LUC7L3: variants seen among roughly 807,000 people sequenced by gnomAD.
LUC7L3 encodes the protein luc7-like protein 3.
Under a neutral mutation model 66.8 loss-of-function variants are expected in LUC7L3, and 6 were observed. That is an observed-to-expected ratio of 0.09 (90% CI 0.05 to 0.18). The LOEUF is 0.18. LUC7L3 is among the 10% of genes least tolerant of loss of function. LUC7L3 has a pLI of 1.00. For missense variants in LUC7L3, 341 were observed against 531.1 expected (o/e 0.64, Z 3.52); for synonymous variants, 160 against 174.7 (o/e 0.92, Z 0.66).
At chr17:50,743,221 C>G (rs535977655) in intron 5 of LUC7L3, among the ~76,000 whole-genome samples, 1 of 150,226 alleles carries the variant, frequency 6.7e-6, no homozygotes, top group Non-Finnish European at 1.5e-5. Context: ...AAAAAAAAAA[C>G]AGAGTCTCAC....
At chr17:50,734,596 C>T (rs971960682) in intron 1 of LUC7L3, among the ~76,000 whole-genome samples, 2 of 152,206 alleles carry the variant, frequency 1.3e-5, no homozygotes, top group Non-Finnish European at 2.9e-5. Context: ...AACTAATCTT[C>T]CTGCCTTAGC....
rs1022790259 is a variant in LUC7L3, at chr17:50,753,388, G to A, written c.*2727G>A. The A allele has an allele frequency of 6.6e-6, 1 of 152,552 alleles. No individual in the cohort carries two copies. Among genetic ancestry groups the A allele is most frequent in the African/African-American group, 2.4e-5 (1 of 41,394 alleles). 9.4% of individuals were successfully genotyped at this position (152,552 alleles called of 1,614,324 possible). ...GTCTCTGCCTCATGGTCCAGTGCCT[G>A]TTAAGCCACTGTGTTCATTCTAATA... is the stretch of plus-strand genomic sequence containing the variant. On this transcript the variant is annotated 3_prime_UTR_variant, in exon 10 of 10. Transcript: ENST00000505658.
chr17:50,741,252 T>C lies in LUC7L3; in HGVS notation c.351+6T>C. The C allele has an allele frequency of 1.2e-6, 2 of 1,613,638 alleles. No homozygotes were observed. The highest frequency in any genetic ancestry group is 1.7e-6 in the Non-Finnish European group (2 of 1,179,764). On this transcript the variant is annotated splice_donor_region_variant and intron_variant, in intron 4 of 9. Transcript: ENST00000505658. The stretch of plus-strand genomic sequence containing the variant: ...AAAACCAGCAGTCTTCTGGGGTAAG[T>C]GAAGTCAATTCAGTCTTTGTAAACG...
At chr17:50,731,421 G>A (rs748989545) in intron 1 of LUC7L3, among the ~76,000 whole-genome samples, 2 of 152,092 alleles carry the variant, frequency 1.3e-5, no homozygotes, top group Non-Finnish European at 2.9e-5. Context: ...GCCTGCCTCC[G>A]CCTCCCAAAG....
chr17:50,747,145 A>G (rs1047680812), intron 9 of LUC7L3, among the ~76,000 whole-genome samples: 4 of 151,860 alleles, frequency 2.6e-5, no homozygotes, highest in Non-Finnish European at 4.4e-5. Flanking sequence ...CTAAGTACCT[A>G]GAAGTTGAAT....
intron 1 of LUC7L3, among the ~76,000 whole-genome samples, chr17:50,724,938 T>C (rs1190496591): frequency 6.6e-6 from 1 of 151,864 alleles, no homozygotes; most frequent in Non-Finnish European, 1.5e-5. Flanking sequence ...ATTTTTGTGT[T>C]GTTGTAGAGA....
intron 1 of LUC7L3, among the ~76,000 whole-genome samples, chr17:50,729,674 C>T (rs948548735): frequency 1.3e-5 from 2 of 151,982 alleles, no homozygotes; most frequent in Non-Finnish European, 2.9e-5. Context: ...GGAGAAAACC[C>T]ATACAGACAT....
In LUC7L3 at chr17:50,741,693, C is replaced by G; in HGVS notation, c.388C>G (p.Gln130Glu). 6.2e-7 allele frequency: 1 copy of G among 1,613,904 alleles called. No homozygotes were observed. The highest frequency in any genetic ancestry group is 2.2e-5 in the East Asian group (1 of 44,878). The change falls in exon 5 of 10, where the codon CAG (glutamine) becomes GAG (glutamate). Residue 130 changes from glutamine to glutamate, a missense_variant. By Grantham distance (29) the Gln-to-Glu change is conservative (BLOSUM62 2). This residue lies in a region of LUC7L3 where 86 missense variants were observed against 172.0 expected (regional missense o/e 0.50). Transcript: ENST00000505658. Reference sequence around the variant, plus strand: ...AACAGGCAAAAATGAAGAAAAAATTCAGGTTCTAACAGACAAAATTGATGT... The same window carrying G: ...AACAGGCAAAAATGAAGAAAAAATTGAGGTTCTAACAGACAAAATTGATGT... ...GPTGKNEEKIQVLTDKIDVLL... is the reference protein window; with the variant it reads ...GPTGKNEEKIEVLTDKIDVLL...
chr17:50,741,683 A>C lies in LUC7L3; in HGVS notation c.378A>C (p.Glu126Asp). 1 of 1,614,006 alleles carries C rather than the reference A, an allele frequency of 6.2e-7. No homozygotes were observed. The highest frequency in any genetic ancestry group is 8.5e-7 in the Non-Finnish European group (1 of 1,179,890). Residue 126 changes from glutamate to aspartate, a missense_variant, in exon 5 of 10, where the codon GAA becomes GAC. By Grantham distance (45) the Glu-to-Asp change is conservative. This residue lies in a region of LUC7L3 where 86 missense variants were observed against 172.0 expected (regional missense o/e 0.50). Coordinates refer to ENST00000505658, the MANE Select transcript of LUC7L3 (RefSeq NM_016424.5). ...CCGCTGGCCCAACAGGCAAAAATGA[A>C]GAAAAAATTCAGGTTCTAACAGACA... ...SGAAGPTGKNEEKIQVLTDKI... is the reference protein window; with the variant it reads ...SGAAGPTGKNDEKIQVLTDKI...
rs149935778 is a variant in LUC7L3, at chr17:50,741,018, C to T, written c.207-84C>T. The T allele has an allele frequency of 3.6e-4, 486 of 1,332,710 alleles. 3 individuals carry two copies. The African/African-American group carries it at 5.0e-3, about 14-fold the overall frequency. The allele number at this position is 1,332,710 out of a possible 1,614,324, so 82.6% of individuals were successfully genotyped here. A position where few individuals can be genotyped will look rare whatever the true frequency, so the allele number is the denominator to read the frequency against. On this transcript the variant is annotated intron_variant, in intron 3 of 9. Coordinates refer to ENST00000505658, the MANE Select transcript of LUC7L3 (RefSeq NM_016424.5). ...TACCCTGCAGCCTAAATGGAATAGT[C>T]GTTGAGGCTAGTTAAGATAGAATAT...
chr17:50,743,094 C>T (rs1333691043), intron 5 of LUC7L3, among the ~76,000 whole-genome samples: 1 of 152,074 alleles, frequency 6.6e-6, no homozygotes, highest in Non-Finnish European at 1.5e-5. Context: ...GGAGGAGGTA[C>T]TGAAAAGAGT....
chr17:50,753,169 A>T lies in LUC7L3; in HGVS notation c.*2508A>T, dbSNP rs571900869. 1.3e-5 allele frequency: 2 copies of T among 152,428 alleles called. No homozygotes were observed. The highest frequency in any genetic ancestry group is 2.9e-5 in the Non-Finnish European group (2 of 68,044). 9.4% of individuals were successfully genotyped at this position (152,428 alleles called of 1,614,324 possible). On this transcript the variant is annotated 3_prime_UTR_variant, in exon 10 of 10. Coordinates refer to ENST00000505658, the MANE Select transcript of LUC7L3 (RefSeq NM_016424.5). ...CTAGGAAAACCGGCAGCATGTTTCT[A>T]TCTATAGCCAGCTTCTTCGACTGTA...
intron 1 of LUC7L3, among the ~76,000 whole-genome samples, chr17:50,729,731 AT>A (rs1969435692): frequency 6.6e-6 from 1 of 151,528 alleles, no homozygotes; most frequent in African/African-American, 2.4e-5. Context: ...GCTGGGAATA[AT>A]TTTTTTTCCC....
At chr17:50,741,579 T>C (rs1006666221) in intron 4 of LUC7L3, 78 bp from the exon 5 acceptor site, 13 of 787,310 alleles carry the variant, frequency 1.7e-5, no homozygotes, top group Middle Eastern at 3.4e-4. Context: ...AATAGAAATA[T>C]TATGTATGGT....
intron 9 of LUC7L3, 81 bp downstream of exon 9, chr17:50,746,783 A>G (rs1007434592): frequency 7.8e-7 from 1 of 1,282,350 alleles, no homozygotes; most frequent in Non-Finnish European, 1.1e-6. Flanking sequence ...AGACACAGGC[A>G]AAGATCCATT....
intron 1 of LUC7L3, among the ~76,000 whole-genome samples, chr17:50,735,849 A>G (rs1391271930): frequency 6.6e-6 from 1 of 152,130 alleles, no homozygotes; most frequent in African/African-American, 2.4e-5. Flanking sequence ...TAATCTCCCC[A>G]GAGCTGGGCA....
intron 1 of LUC7L3, among the ~76,000 whole-genome samples, chr17:50,726,764 C>A (rs1047689144): frequency 6.6e-6 from 1 of 152,080 alleles, no homozygotes; most frequent in Non-Finnish European, 1.5e-5. Context: ...AAACATTCTA[C>A]AGTGCACATC....
chr17:50,731,174 GT>G (rs1375842451), intron 1 of LUC7L3, among the ~76,000 whole-genome samples: 4 of 152,052 alleles, frequency 2.6e-5, no homozygotes, highest in African/African-American at 9.7e-5. Context: ...AATTCTCTGG[GT>G]TTATTCTTTT....
At position 50,756,207 on chromosome 17, in the gene LUC7L3, GAA is replaced by G. The variant is rs1971109605; in HGVS notation, c.*5547_*5548del. The G allele has an allele frequency of 6.8e-6, 1 of 146,114 alleles. No individual in the cohort carries two copies. Among genetic ancestry groups the G allele is most frequent in the African/African-American group, 2.6e-5 (1 of 38,564 alleles). 9.1% of individuals were successfully genotyped at this position (146,114 alleles called of 1,614,324 possible). On this transcript the variant is annotated 3_prime_UTR_variant, in exon 10 of 10. Transcript: ENST00000505658. ...ATTTCTTAATAAAATTTAAAAAGAA[GAA>G]TGGGAAAAAAGTCTTGGTGTAGGTA...
Sources: allele counts gnomAD v4.1 joint callset (sites outside exome capture counted in the v4.1 genomes callset), GRCh38; gene constraint gnomAD v4.1.1; regional missense constraint gnomAD v4.1.1; transcripts MANE v1.5; gene names NCBI Gene and HGNC (gene_info 2026-07-23, HGNC 2026-07-21).